AMZ2: variants seen among roughly 807,000 people sequenced by gnomAD.
AMZ2 encodes the protein archaelysin family metallopeptidase 2, also known as archaemetzincin-2.
A neutral mutation model predicts 36.7 loss-of-function variants in AMZ2; 26 were observed. The ratio of observed to expected loss-of-function variants is 0.71; its 90% confidence interval spans 0.52 to 0.98. The LOEUF (loss-of-function observed/expected upper bound fraction) is 0.98, where lower values mean the gene tolerates loss of function less well. AMZ2 is among the 50% of genes least tolerant of loss of function. AMZ2 has a pLI of 0.00. For synonymous variants in AMZ2, 144 were observed against 149.1 expected, an observed-to-expected ratio of 0.97 and a Z score of 0.25; for missense variants, 394 against 430.5, an observed-to-expected ratio of 0.92 and a Z score of 0.75.
intron 1 of AMZ2, among the ~76,000 whole-genome samples, chr17:68,242,480 C>T (rs1217945004): frequency 6.6e-6 from 1 of 152,028 alleles, no homozygotes; most frequent in Non-Finnish European, 1.5e-5. Flanking sequence ...GGCGCGATCT[C>T]GGCTCACTGC....
intron 1 of AMZ2, among the ~76,000 whole-genome samples, chr17:68,240,990 G>A (rs1268105093): frequency 2.0e-5 from 3 of 152,096 alleles, no homozygotes; most frequent in Non-Finnish European, 2.9e-5. Flanking sequence ...GAAACCAAAC[G>A]AGTCAGCCAG....
chr17:68,236,542 CATT>C (rs782520769), intron 1 of AMZ2, among the ~76,000 whole-genome samples: 6 of 144,886 alleles, frequency 4.1e-5, no homozygotes, highest in Non-Finnish European at 6.0e-5. Flanking sequence ...CTCCTTCTAA[CATT>C]ATTAACATTT....
In AMZ2 at chr17:68,216,601, A is replaced by T. The variant is rs112046439; in HGVS notation, c.-67+10363A>T. Among the ~76,000 whole-genome samples, 1,015 of 152,300 alleles carry T rather than the reference A, an allele frequency of 6.7e-3. 12 individuals are homozygous for T. The highest frequency in any genetic ancestry group is 0.022 in the African/African-American group (935 of 41,556). On this transcript the variant is annotated intron_variant, in intron 1 of 7. Coordinates refer to the AMZ2 transcript ENST00000674770. ...GAGTATTTTCAATACCTTATTTTATACTGTAGTCTATAGAGTTTTCAAACC... is the reference window on the plus strand; with the variant it reads ...GAGTATTTTCAATACCTTATTTTATTCTGTAGTCTATAGAGTTTTCAAACC...
intron 6 of AMZ2, among the ~76,000 whole-genome samples, chr17:68,256,552 CAA>C (rs1555742870): frequency 1.3e-5 from 2 of 152,240 alleles, no homozygotes; most frequent in African/African-American, 2.4e-5. Flanking sequence ...ATGCTAGAAA[CAA>C]AGTGTAAGAA....
At chr17:68,253,882 A>G (rs1433910559) in intron 4 of AMZ2, among the ~76,000 whole-genome samples, 1 of 151,690 alleles carries the variant, frequency 6.6e-6, no homozygotes, top group African/African-American at 2.4e-5. Context: ...CCTCCCTAGT[A>G]GCTGGGATTA....
chr17:68,236,214 G>A (rs1206927098), intron 1 of AMZ2, among the ~76,000 whole-genome samples: 5 of 151,930 alleles, frequency 3.3e-5, no homozygotes, highest in African/African-American at 4.8e-5. Context: ...GTTTTAAAAC[G>A]TTTTATATAT....
upstream of AMZ2, among the ~76,000 whole-genome samples, chr17:68,245,225 C>A (rs1425743144): frequency 6.6e-6 from 1 of 151,532 alleles, no homozygotes; most frequent in African/African-American, 2.4e-5. Context: ...ACCTAACCCC[C>A]CCGAAGCACT....
upstream of AMZ2, chr17:68,247,663 C>A (rs1373063770): frequency 2.0e-6 from 2 of 985,414 alleles, no homozygotes; most frequent in Non-Finnish European, 2.4e-6. Flanking sequence ...TCATTTGGGG[C>A]CACGCTGGTT....
intron 1 of AMZ2, among the ~76,000 whole-genome samples, chr17:68,238,108 C>T (rs1321808117): frequency 6.6e-6 from 1 of 152,188 alleles, no homozygotes; most frequent in African/African-American, 2.4e-5. Flanking sequence ...ACCATGCTGT[C>T]ATCCTGAAGC....
intron 1 of AMZ2, among the ~76,000 whole-genome samples, chr17:68,228,258 C>G (rs572532354): frequency 6.6e-6 from 1 of 152,160 alleles, no homozygotes; most frequent in Non-Finnish European, 1.5e-5. Flanking sequence ...ACTCCACCTA[C>G]GCCTTACATC....
At position 68,248,262 on chromosome 17, in the gene AMZ2, G is replaced by C. The variant is rs2074157626; in HGVS notation, c.-444G>C. 5.1e-6 allele frequency: 5 copies of C among 985,678 alleles called. No homozygotes were observed. In the Admixed American group the frequency reaches 2.5e-4, roughly 48 times the overall value. 61.1% of individuals were successfully genotyped at this position (985,678 alleles called of 1,614,324 possible). On this transcript the variant is annotated 5_prime_UTR_variant, in exon 1 of 7. Coordinates refer to ENST00000359904, the MANE Select transcript of AMZ2 (RefSeq NM_016627.5). ...CGGAAGCCGCGGGGTCCGCGGGGTC[G>C]GTGCCTCTAGGGAGCCAGGGAGGCC...
At chr17:68,233,526 AAAG>A (rs1352625518) in intron 1 of AMZ2, among the ~76,000 whole-genome samples, 3 of 107,340 alleles carry the variant, frequency 2.8e-5, no homozygotes, top group Non-Finnish European at 3.9e-5. Flanking sequence ...AAAAAAAAAA[AAAG>A]AGAGAAATTG....
At chr17:68,225,543 C>T (rs782227429) in intron 1 of AMZ2, among the ~76,000 whole-genome samples, 4 of 152,204 alleles carry the variant, frequency 2.6e-5, no homozygotes, top group South Asian at 2.1e-4. Context: ...TGACTCAAGC[C>T]GAAGAGCAAT....
rs1329727007 is a variant in AMZ2, at chr17:68,248,257, G to T, written c.-449G>T. ...CGTGGCGGAAGCCGCGGGGTCCGCG[G>T]GGTCGGTGCCTCTAGGGAGCCAGGG... On this transcript the variant is annotated 5_prime_UTR_variant, in exon 1 of 7. Coordinates refer to ENST00000359904, the MANE Select transcript of AMZ2 (RefSeq NM_016627.5). 1 of 985,858 alleles carries T rather than the reference G, an allele frequency of 1.0e-6. No homozygotes were observed. Among genetic ancestry groups the T allele is most frequent in the Non-Finnish European group, 1.2e-6 (1 of 830,196 alleles). The allele number at this position is 985,858 out of a possible 1,614,324, so 61.1% of individuals were successfully genotyped here.
intron 1 of AMZ2, among the ~76,000 whole-genome samples, chr17:68,237,890 TA>T (rs1314783657): frequency 6.6e-6 from 1 of 152,182 alleles, no homozygotes; most frequent in Non-Finnish European, 1.5e-5. Context: ...CCAGAAAGTC[TA>T]AAAGGACACA....
chr17:68,243,218 T>G (rs191274691), upstream of AMZ2, among the ~76,000 whole-genome samples: 1 of 151,982 alleles, frequency 6.6e-6, no homozygotes, highest in East Asian at 1.9e-4. Context: ...CACTGCAACC[T>G]CCGTCTCCCG....
intron 1 of AMZ2, among the ~76,000 whole-genome samples, chr17:68,239,604 G>A (rs1368741895): frequency 1.3e-5 from 2 of 152,162 alleles, no homozygotes; most frequent in African/African-American, 4.8e-5. Flanking sequence ...ACACATTAGT[G>A]GGACTCTTAG....
intron 1 of AMZ2, chr17:68,206,756 T>G (rs1393365735): frequency 6.6e-6 from 1 of 152,246 alleles, no homozygotes; most frequent in African/African-American, 2.4e-5. Flanking sequence ...AAAACATGTC[T>G]GTTTTCACAT....
chr17:68,227,209 C>T (rs1453532918), intron 1 of AMZ2, among the ~76,000 whole-genome samples: 1 of 152,158 alleles, frequency 6.6e-6, no homozygotes. Flanking sequence ...CAGACCTGCT[C>T]CGTGACCTCG....
Sources: gnomAD v4.1 joint callset for allele counts (sites outside exome capture counted in the v4.1 genomes callset) on GRCh38, gnomAD v4.1.1 for gene constraint, MANE v1.5 for transcripts, NCBI Gene and HGNC (gene_info 2026-07-23, HGNC 2026-07-21) for gene names.